The following HS3ST4 variants were observed in gnomAD, a reference collection of about 807,000 sequenced individuals.
HS3ST4 encodes the protein heparan sulfate glucosamine 3-O-sulfotransferase 4.
Under a neutral mutation model 29.2 loss-of-function variants are expected in HS3ST4, and 17 were observed. The ratio of observed to expected loss-of-function variants is 0.58; its 90% CI spans 0.40 to 0.87. The LOEUF (loss-of-function observed/expected upper bound fraction) is 0.87, where lower values mean the gene tolerates loss of function less well. Among genes scored for constraint, HS3ST4 ranks in the 40% least tolerant of loss-of-function variants. HS3ST4 has a pLI of 0.00. For synonymous variants in HS3ST4, 314 were observed against 285.7 expected (o/e 1.10, Z -1.00); for missense variants, 627 against 634.5 (o/e 0.99, Z 0.13).
chr16:25,823,680 C>T (rs1967185929), intron 1 of HS3ST4, among the ~76,000 whole-genome samples: 1 of 152,158 alleles, frequency 6.6e-6, no homozygotes, highest in Non-Finnish European at 1.5e-5. Flanking sequence ...CGTGCCTCAG[C>T]CTCCTGAATA....
chr16:25,918,290 G>A (rs1347147693), intron 1 of HS3ST4, among the ~76,000 whole-genome samples: 1 of 152,166 alleles, frequency 6.6e-6, no homozygotes, highest in Non-Finnish European at 1.5e-5. Context: ...TGTGGATGAG[G>A]ACACTGACCC....
intron 1 of HS3ST4, among the ~76,000 whole-genome samples, chr16:25,857,936 CTT>C (rs1377062471): frequency 7.9e-5 from 4 of 50,466 alleles, no homozygotes; most frequent in South Asian, 1.6e-3. Context: ...TTCTTTCTTT[CTT>C]TCTTTCTTTC....
At position 26,131,706 on chromosome 16, in the gene HS3ST4, G is replaced by A. The variant is rs797001247; in HGVS notation, c.735-3906G>A. Among the ~76,000 whole-genome samples the A allele has an allele frequency of 7.2e-5, 11 of 152,322 alleles. 1 individual carries two copies. In the South Asian group the frequency reaches 1.0e-3, roughly 14 times the overall value. ...TTACAGGAAGAGGGAGACCAGCATG[G>A]TTTGGAAGTAGTTACTGGATCGGAG... On this transcript the variant is annotated intron_variant, in intron 1 of 1. Transcript: ENST00000331351.
intron 1 of HS3ST4, among the ~76,000 whole-genome samples, chr16:26,066,315 T>C (rs1360911981): frequency 6.6e-6 from 1 of 152,178 alleles, no homozygotes; most frequent in Non-Finnish European, 1.5e-5. Context: ...TGGCCGAAAG[T>C]TTTTAAAAAG....
intron 1 of HS3ST4, among the ~76,000 whole-genome samples, chr16:25,699,256 G>A (rs1966318855): frequency 6.6e-6 from 1 of 152,114 alleles, no homozygotes; most frequent in African/African-American, 2.4e-5. Flanking sequence ...TTTAGTGTAG[G>A]GTTTTTTCTT....
chr16:25,709,693 T>C (rs4238913), intron 1 of HS3ST4, among the ~76,000 whole-genome samples: 151,613 of 152,002 alleles, frequency 1, 75,613 homozygotes, highest in Middle Eastern at 1. Flanking sequence ...AGGGGAAGAA[T>C]GGAAGGAAGA....
At position 25,832,003 on chromosome 16, in the gene HS3ST4, G is replaced by A. The variant is rs1404058950; in HGVS notation, c.734+138852G>A. ...TGTCTGTGGTTCCAGCTGCTCGGGA[G>A]GCTGAGATAGGAGGATCACTTGGAC... is the stretch of plus-strand genomic sequence containing the variant. On this transcript the variant is annotated intron_variant, in intron 1 of 1. Coordinates refer to ENST00000331351, the MANE Select transcript of HS3ST4 (RefSeq NM_006040.3). 3.3e-5 allele frequency among the ~76,000 whole-genome samples: 5 copies of A among 152,198 alleles called. No homozygotes were observed. The East Asian group carries it at 7.8e-4, about 24-fold the overall frequency.
At position 26,136,261 on chromosome 16, in the gene HS3ST4, A is replaced by C. The variant is rs1480424287; in HGVS notation, c.*13A>C. ...GGGTGATAAATGAGGCTAGAGAGGC[A>C]GAGGAAGGCTAGTCAATAAGCTAAG... On this transcript the variant is annotated 3_prime_UTR_variant, in exon 2 of 2. Transcript: ENST00000331351. 5 of 1,603,404 alleles carry C rather than the reference A, an allele frequency of 3.1e-6. No homozygotes were observed. Among genetic ancestry groups the C allele is most frequent in the Admixed American group, 1.7e-5 (1 of 59,476 alleles).
chr16:25,854,870 T>A (rs2141651416), intron 1 of HS3ST4, among the ~76,000 whole-genome samples: 1 of 152,194 alleles, frequency 6.6e-6, no homozygotes, highest in South Asian at 2.1e-4. Context: ...GTTTACAAAT[T>A]TGTGTTGGGC....
chr16:25,724,628 C>T (rs1007453552), intron 1 of HS3ST4, among the ~76,000 whole-genome samples: 1 of 152,020 alleles, frequency 6.6e-6, no homozygotes, highest in African/African-American at 2.4e-5. Flanking sequence ...TCCCAAAGTG[C>T]TGGGATTACA....
intron 1 of HS3ST4, among the ~76,000 whole-genome samples, chr16:25,842,909 C>A (rs899159156): frequency 6.6e-6 from 1 of 152,120 alleles, no homozygotes; most frequent in Non-Finnish European, 1.5e-5. Flanking sequence ...TACTGGCTAA[C>A]TCTGAGATGG....
rs1967411685 is a variant in HS3ST4 at position 25,841,366 on chromosome 16, C to T, written c.734+148215C>T. ...CCAGGCTGGAGTGCAGTGGCGTGAT[C>T]ATGGCTCATTGCAGCCTCAACCTCC... On this transcript the variant is annotated intron_variant, in intron 1 of 1. Coordinates refer to ENST00000331351, the MANE Select transcript of HS3ST4 (RefSeq NM_006040.3). Among the ~76,000 whole-genome samples the T allele has an allele frequency of 3.9e-5, 6 of 152,234 alleles. No individual in the cohort carries two copies. The South Asian group carries it at 1.2e-3, about 32-fold the overall frequency.
At chr16:26,106,544 C>G (rs943524226) in intron 1 of HS3ST4, among the ~76,000 whole-genome samples, 3 of 152,138 alleles carry the variant, frequency 2.0e-5, no homozygotes, top group African/African-American at 4.8e-5. Context: ...CTCAAAGGGT[C>G]CTGATTTATA....
intron 1 of HS3ST4, among the ~76,000 whole-genome samples, chr16:25,891,848 C>T (rs941289905): frequency 1.3e-5 from 2 of 152,172 alleles, no homozygotes; most frequent in Admixed American, 6.5e-5. Context: ...CTTCACATTG[C>T]GACTTCACCA....
At chr16:25,964,299 G>T (rs1435152218) in intron 1 of HS3ST4, among the ~76,000 whole-genome samples, 1 of 152,054 alleles carries the variant, frequency 6.6e-6, no homozygotes, top group Non-Finnish European at 1.5e-5. Flanking sequence ...TCAGGGTGAC[G>T]AGTTCAGTTG....
intron 1 of HS3ST4, among the ~76,000 whole-genome samples, chr16:26,026,722 C>T (rs1477612444): frequency 3.3e-5 from 5 of 152,112 alleles, no homozygotes; most frequent in South Asian, 2.1e-4. Context: ...CGTCCAGCCC[C>T]GCATGAAACA....
intron 1 of HS3ST4, among the ~76,000 whole-genome samples, chr16:25,961,923 A>T (rs1051644910): frequency 9.9e-5 from 15 of 152,214 alleles, no homozygotes; most frequent in African/African-American, 3.1e-4. Flanking sequence ...ATGTATGCAC[A>T]TTTTCTCTGA....
chr16:26,031,452 G>A (rs1234942239), intron 1 of HS3ST4, among the ~76,000 whole-genome samples: 1 of 152,124 alleles, frequency 6.6e-6, no homozygotes, highest in South Asian at 2.1e-4. Context: ...GAGGACATTT[G>A]TATTCCAGCC....
intron 1 of HS3ST4, among the ~76,000 whole-genome samples, chr16:26,046,897 C>T (rs565461712): frequency 6.6e-6 from 1 of 152,232 alleles, no homozygotes; most frequent in East Asian, 1.9e-4. Context: ...CATCCAACAT[C>T]GCACAACTAG....
Sources: gnomAD v4.1 joint callset for allele counts (sites outside exome capture counted in the v4.1 genomes callset) on GRCh38, gnomAD v4.1.1 for gene constraint, MANE v1.5 for transcripts, NCBI Gene and HGNC (gene_info 2026-07-23, HGNC 2026-07-21) for gene names.